Variants in CDH13 observed in about 807,000 individuals in gnomAD.
CDH13 encodes cadherin 13.
In CDH13, 24 loss-of-function variants were observed where a neutral mutation model predicts 63.8. The observed-to-expected ratio is 0.38, with a 90% CI of 0.27 to 0.53. The LOEUF (loss-of-function observed/expected upper bound fraction) is 0.53. Ranked by LOEUF, CDH13 falls within the 20% of genes least tolerant of loss-of-function variation. CDH13 has a pLI of 0.85. For missense variants in CDH13, 1,049 were observed against 903.1 expected, an observed-to-expected ratio of 1.16 and a Z score of -2.07; for synonymous variants, 503 against 355.3, an observed-to-expected ratio of 1.42 and a Z score of -4.67.
intron 10 of CDH13, among the ~76,000 whole-genome samples, chr16:83,706,825 G>A (rs778177772): frequency 1.3e-5 from 2 of 152,160 alleles, no homozygotes; most frequent in East Asian, 1.9e-4. Flanking sequence ...AGGCTCTCAC[G>A]ATCAGGACAA....
intron 3 of CDH13, among the ~76,000 whole-genome samples, chr16:83,056,134 A>G (rs906043378): frequency 1.3e-5 from 2 of 152,216 alleles, no homozygotes; most frequent in African/African-American, 4.8e-5. Flanking sequence ...AAGGAAATGC[A>G]AAGGAAAACT....
chr16:82,805,153 C>A (rs780921048), intron 1 of CDH13, among the ~76,000 whole-genome samples: 3 of 152,178 alleles, frequency 2.0e-5, no homozygotes, highest in Non-Finnish European at 2.9e-5. Flanking sequence ...TATCTTCATG[C>A]TCAGCCCCCA....
intron 7 of CDH13, among the ~76,000 whole-genome samples, chr16:83,576,717 GGT>G (rs1232234596): frequency 6.6e-6 from 1 of 152,154 alleles, no homozygotes; most frequent in African/African-American, 2.4e-5. Flanking sequence ...GTGTCTATGA[GGT>G]GCCATCTCAT....
At chr16:82,871,741 C>T (rs1216337753) in intron 2 of CDH13, among the ~76,000 whole-genome samples, 1 of 152,150 alleles carries the variant, frequency 6.6e-6, no homozygotes, top group Non-Finnish European at 1.5e-5. Context: ...GCTTTGGAAA[C>T]ACTTGGATCT....
chr16:82,816,696 A>C (rs2037728430), intron 1 of CDH13, among the ~76,000 whole-genome samples: 1 of 122,782 alleles, frequency 8.1e-6, no homozygotes, highest in Non-Finnish European at 1.6e-5. Flanking sequence ...TGAACTTCAA[A>C]AACGAAGATG....
intron 1 of CDH13, among the ~76,000 whole-genome samples, chr16:82,854,841 C>G (rs286678): frequency 0.25 from 38,482 of 152,102 alleles, 5,189 homozygotes; most frequent in Middle Eastern, 0.32. Flanking sequence ...GTTAATGCCT[C>G]TTTTCTTTTT....
intron 1 of CDH13, among the ~76,000 whole-genome samples, chr16:82,660,580 A>G (rs2150924166): frequency 6.6e-6 from 1 of 152,024 alleles, no homozygotes; most frequent in East Asian, 2.0e-4. Context: ...GAAGTGAAAG[A>G]AAGATGACAA....
chr16:83,763,018 A>C, intron 11 of CDH13, among the ~76,000 whole-genome samples: 1 of 152,060 alleles, frequency 6.6e-6, no homozygotes, highest in Admixed American at 6.6e-5. Flanking sequence ...AACCATCTCT[A>C]CGGGGCCCGT....
At chr16:83,610,263 A>G (rs924715145) in intron 8 of CDH13, among the ~76,000 whole-genome samples, 1 of 151,962 alleles carries the variant, frequency 6.6e-6, no homozygotes, top group African/African-American at 2.4e-5. Context: ...CCATAATATC[A>G]CTCCAAATTA....
At chr16:83,379,938 T>TATATAGAGAGAGAGAGAGAGAGAGAGAG in intron 6 of CDH13, among the ~76,000 whole-genome samples, 10 of 123,462 alleles carry the variant, frequency 8.1e-5, no homozygotes, top group African/African-American at 3.3e-4. Context: ...TATATATATA[T>TATATAGAGAGAGAGAGAGAGAGAGAGAG]AGAGAGAGAG....
At chr16:82,752,904 T>C (rs1375774896) in intron 1 of CDH13, among the ~76,000 whole-genome samples, 1 of 152,240 alleles carries the variant, frequency 6.6e-6, no homozygotes, top group African/African-American at 2.4e-5. Flanking sequence ...TATGTAGTAC[T>C]TCTGCCATGC....
intron 2 of CDH13, among the ~76,000 whole-genome samples, chr16:82,980,344 C>G (rs544086119): frequency 1.3e-5 from 2 of 152,188 alleles, no homozygotes; most frequent in South Asian, 2.1e-4. Flanking sequence ...TTGGCTGGGT[C>G]CGTAAAGACC....
At chr16:83,651,882 A>G (rs562502905) in intron 8 of CDH13, among the ~76,000 whole-genome samples, 60 of 152,270 alleles carry the variant, frequency 3.9e-4, no homozygotes, top group African/African-American at 1.4e-3. Context: ...GGCGTGAGCC[A>G]CCACACCCAT....
intron 1 of CDH13, among the ~76,000 whole-genome samples, chr16:82,700,520 AGTGTGTGTGT>A (rs5818398): frequency 1.1e-4 from 16 of 150,906 alleles, no homozygotes; most frequent in East Asian, 3.9e-4. Flanking sequence ...AGGGCTAGTA[AGTGTGTGTGT>A]GTGTGTGTGT....
intron 1 of CDH13, among the ~76,000 whole-genome samples, chr16:82,702,663 G>A (rs893902446): frequency 6.6e-6 from 1 of 152,108 alleles, no homozygotes; most frequent in Non-Finnish European, 1.5e-5. Flanking sequence ...TAGTTTTATT[G>A]TAATTGTCCC....
At chr16:82,815,361 G>A (rs1319070736) in intron 1 of CDH13, among the ~76,000 whole-genome samples, 1 of 152,114 alleles carries the variant, frequency 6.6e-6, no homozygotes, top group Non-Finnish European at 1.5e-5. Context: ...CCTGCATGAT[G>A]GAGACGATAA....
At chr16:83,070,243 T>A (rs532876743) in intron 3 of CDH13, among the ~76,000 whole-genome samples, 1 of 152,314 alleles carries the variant, frequency 6.6e-6, no homozygotes, top group African/African-American at 2.4e-5. Flanking sequence ...ATGTGGTCTC[T>A]TTCCCTATAA....
At chr16:83,791,007 C>G (rs1430850545) in intron 13 of CDH13, among the ~76,000 whole-genome samples, 1 of 152,046 alleles carries the variant, frequency 6.6e-6, no homozygotes, top group Non-Finnish European at 1.5e-5. Context: ...CAAACTCAGA[C>G]ACAATAAAGA....
At chr16:82,776,669 C>A (rs540456373) in intron 1 of CDH13, among the ~76,000 whole-genome samples, 1 of 152,302 alleles carries the variant, frequency 6.6e-6, no homozygotes, top group Admixed American at 6.5e-5. Flanking sequence ...ATTGCGCCCA[C>A]ATGGGTTGAC....
Sources: gnomAD v4.1 joint callset for allele counts (sites outside exome capture counted in the v4.1 genomes callset) on GRCh38, gnomAD v4.1.1 for gene constraint, MANE v1.5 for transcripts, NCBI Gene and HGNC (gene_info 2026-07-23, HGNC 2026-07-21) for gene names.